The following CHRM3 variants were observed in gnomAD, a reference collection of about 807,000 sequenced individuals.
CHRM3 encodes the protein muscarinic acetylcholine receptor M3.
A neutral mutation model predicts 41.8 loss-of-function variants in CHRM3; 11 were observed. The ratio of observed to expected loss-of-function variants is 0.26; its 90% CI spans 0.17 to 0.44. The LOEUF is 0.44. CHRM3 is among the 20% of genes least tolerant of loss of function. The pLI, the probability that CHRM3 is intolerant of heterozygous loss-of-function variation, is 1.00. For missense variants in CHRM3, 571 were observed against 745.4 expected (o/e 0.77, Z 2.72); for synonymous variants, 297 against 301.4 (o/e 0.99, Z 0.15).
In CHRM3 at chr1:239,582,873, A is replaced by G. The variant is rs184270391; in HGVS notation, c.-313+37124A>G. On this transcript the variant is annotated intron_variant, in intron 3 of 6. Coordinates refer to ENST00000676153, the MANE Select transcript of CHRM3 (RefSeq NM_001375978.1). ...TGTCTTTCATTAGGATAAAATCCACAGACTTTAATTTGATTTATGAGACAC... is the reference window on the plus strand; with the variant it reads ...TGTCTTTCATTAGGATAAAATCCACGGACTTTAATTTGATTTATGAGACAC... Among the ~76,000 whole-genome samples the G allele has an allele frequency of 5.5e-3, 841 of 152,306 alleles. 5 individuals carry two copies. The highest frequency in any genetic ancestry group is 0.016 in the African/African-American group (661 of 41,574).
chr1:239,438,185 T>G (rs2103229583), intron 1 of CHRM3, among the ~76,000 whole-genome samples: 1 of 152,364 alleles, frequency 6.6e-6, no homozygotes, highest in Admixed American at 6.5e-5. Flanking sequence ...TAAGTACATT[T>G]ACATTTATTT....
chr1:239,805,305 C>A (rs1670543368), intron 5 of CHRM3, among the ~76,000 whole-genome samples: 1 of 152,208 alleles, frequency 6.6e-6, no homozygotes, highest in Non-Finnish European at 1.5e-5. Context: ...TTTGCTTAAT[C>A]ATGAACTATA....
intron 6 of CHRM3, among the ~76,000 whole-genome samples, chr1:239,898,905 C>T (rs1283039673): frequency 5.3e-5 from 8 of 151,960 alleles, no homozygotes; most frequent in Admixed American, 5.2e-4. Flanking sequence ...TTATTTTTTG[C>T]CATAACTAGG....
At position 239,912,967 on chromosome 1, in the gene CHRM3, C is replaced by G. The variant is rs1161709052; in HGVS notation, c.*3743C>G. The stretch of plus-strand genomic sequence containing the variant: ...CTTTCTGGGTTTTATCCTCATTGCT[C>G]AAACTAAGCAACAACACCGAAGCTT... On this transcript the variant is annotated 3_prime_UTR_variant, in exon 7 of 7. Coordinates refer to ENST00000676153, the MANE Select transcript of CHRM3 (RefSeq NM_001375978.1). 1 of 167,026 alleles carries G rather than the reference C, an allele frequency of 6.0e-6. No homozygotes were observed. Among genetic ancestry groups the G allele is most frequent in the Non-Finnish European group, 1.5e-5 (1 of 68,114 alleles). The allele number at this position is 167,026 out of a possible 1,614,324, so 10.3% of individuals were successfully genotyped here.
chr1:239,413,450 C>T (rs925443094), intron 1 of CHRM3, among the ~76,000 whole-genome samples: 34 of 152,130 alleles, frequency 2.2e-4, no homozygotes, highest in South Asian at 1.0e-3. Flanking sequence ...CCATTCCACC[C>T]GGCTAATTTT....
chr1:239,463,100 T>C (rs1434934794), intron 1 of CHRM3, among the ~76,000 whole-genome samples: 1 of 152,150 alleles, frequency 6.6e-6, no homozygotes, highest in African/African-American at 2.4e-5. Context: ...AAGTGAGGAA[T>C]AGTCACACCT....
chr1:239,500,360 G>T (rs764160268), intron 2 of CHRM3, among the ~76,000 whole-genome samples: 7 of 150,994 alleles, frequency 4.6e-5, no homozygotes, highest in East Asian at 3.9e-4. Flanking sequence ...GCAAACTACC[G>T]CAAGGACAAA....
At chr1:239,487,735 A>C (rs12069442) in intron 1 of CHRM3, among the ~76,000 whole-genome samples, 4,954 of 152,090 alleles carry the variant, frequency 0.033, 196 homozygotes, top group African/African-American at 0.091. Context: ...CATTTTTTTC[A>C]ATCATATCAA....
chr1:239,779,252 T>TC (rs1447117948), intron 5 of CHRM3, among the ~76,000 whole-genome samples: 10 of 152,070 alleles, frequency 6.6e-5, no homozygotes, highest in African/African-American at 2.4e-4. Context: ...ATGCACAGCC[T>TC]CCCCTGTTTT....
intron 5 of CHRM3, among the ~76,000 whole-genome samples, chr1:239,764,703 T>C (rs905104096): frequency 6.6e-6 from 1 of 152,210 alleles, no homozygotes; most frequent in Non-Finnish European, 1.5e-5. Context: ...TATGGGAAAA[T>C]GAGCTGATAA....
At chr1:239,497,201 A>G (rs563319215) in intron 2 of CHRM3, among the ~76,000 whole-genome samples, 1 of 152,284 alleles carries the variant, frequency 6.6e-6, no homozygotes, top group African/African-American at 2.4e-5. Flanking sequence ...TGATTTTGAA[A>G]TTACTCTTCA....
intron 4 of CHRM3, among the ~76,000 whole-genome samples, chr1:239,662,874 C>G (rs115478024): frequency 6.7e-6 from 1 of 148,168 alleles, no homozygotes; most frequent in South Asian, 2.2e-4. Flanking sequence ...CCTTTCTCCT[C>G]TTTCTCCTCT....
chr1:239,643,227 A>G (rs989175412), intron 4 of CHRM3, among the ~76,000 whole-genome samples: 1 of 152,204 alleles, frequency 6.6e-6, no homozygotes, highest in African/African-American at 2.4e-5. Context: ...TCAGGGACCC[A>G]CTGGAGGAGG....
intron 5 of CHRM3, among the ~76,000 whole-genome samples, chr1:239,769,421 A>G (rs1447623435): frequency 6.6e-6 from 1 of 152,150 alleles, no homozygotes; most frequent in Non-Finnish European, 1.5e-5. Context: ...GAGCCCCAAG[A>G]TGTTCTTTCC....
chr1:239,837,839 A>G (rs772662730), intron 6 of CHRM3, among the ~76,000 whole-genome samples: 58 of 152,262 alleles, frequency 3.8e-4, no homozygotes, highest in Admixed American at 6.5e-4. Flanking sequence ...TTACCCATTC[A>G]TTGAGTTTTT....
chr1:239,759,193 TTTTAG>T (rs1558518660), intron 5 of CHRM3, among the ~76,000 whole-genome samples: 7 of 135,696 alleles, frequency 5.2e-5, no homozygotes, highest in East Asian at 2.6e-4. Flanking sequence ...TTTTTTTTTT[TTTTAG>T]AGAGAGGCTT....
chr1:239,562,888 C>CAAAAAAAA (rs1269385069), intron 3 of CHRM3, among the ~76,000 whole-genome samples: 1 of 51,248 alleles, frequency 2.0e-5, no homozygotes, highest in Admixed American at 2.2e-4. Context: ...ACTCTGTCTC[C>CAAAAAAAA]AAAAAAAAAA....
At chr1:239,655,320 CA>C (rs1672618021) in intron 4 of CHRM3, among the ~76,000 whole-genome samples, 1 of 152,196 alleles carries the variant, frequency 6.6e-6, no homozygotes. Context: ...CAAGCAAAGT[CA>C]AGTCAAACTG....
chr1:239,701,346 C>G (rs779062387), intron 5 of CHRM3, among the ~76,000 whole-genome samples: 1 of 152,198 alleles, frequency 6.6e-6, no homozygotes, highest in African/African-American at 2.4e-5. Context: ...TGAGCAAGAC[C>G]AGACAGAGGG....
Sources: allele counts gnomAD v4.1 joint callset (sites outside exome capture counted in the v4.1 genomes callset), GRCh38; gene constraint gnomAD v4.1.1; transcripts MANE v1.5; gene names NCBI Gene and HGNC (gene_info 2026-07-23, HGNC 2026-07-21).